Variants in TAPT1 observed in about 807,000 individuals in gnomAD.
TAPT1 encodes transmembrane anterior posterior transformation protein 1 homolog.
In TAPT1, 28 loss-of-function variants were observed where a neutral mutation model predicts 65.6. The ratio of observed to expected loss-of-function variants is 0.43; its 90% CI spans 0.32 to 0.59. The LOEUF (loss-of-function observed/expected upper bound fraction) is 0.59, where lower values mean the gene tolerates loss of function less well. Among genes scored for constraint, TAPT1 ranks in the 20% least tolerant of loss-of-function variants. The probability of loss-of-function intolerance (pLI) is 0.09; values close to 1 mark genes in which losing one functional copy is unlikely to be tolerated. For synonymous variants in TAPT1, 278 were observed against 245.2 expected, an observed-to-expected ratio of 1.13 and a Z score of -1.25; for missense variants, 563 against 679.9, an observed-to-expected ratio of 0.83 and a Z score of 1.91.
chr4:16,206,062 A>G (rs1266811030), intron 2 of TAPT1, among the ~76,000 whole-genome samples: 1 of 152,216 alleles, frequency 6.6e-6, no homozygotes, highest in Non-Finnish European at 1.5e-5. Context: ...GAAAACTATA[A>G]ATGACTGACT....
intron 3 of TAPT1, among the ~76,000 whole-genome samples, chr4:16,200,289 T>C (rs976244506): frequency 2.6e-5 from 4 of 152,206 alleles, no homozygotes; most frequent in Non-Finnish European, 5.9e-5. Flanking sequence ...ATGTAGCTCA[T>C]AATGTAGATG....
Position 16,195,504 on chromosome 4 carries a change from C to G in TAPT1, c.450-3981G>C, listed in dbSNP as rs1578450980. 5.3e-5 allele frequency among the ~76,000 whole-genome samples: 8 copies of G among 152,326 alleles called. No individual in the cohort carries two copies. The Middle Eastern group carries it at 0.027, about 518-fold the overall frequency. ...TGTCATCACACAAGTAATATTACAT[C>G]AGGTATTTAACAAAACTTAAACATT... On this transcript the variant is annotated intron_variant, in intron 3 of 13. Coordinates refer to ENST00000405303, the MANE Select transcript of TAPT1 (RefSeq NM_153365.3).
chr4:16,227,269 G>T (rs1369173529), upstream of TAPT1: 4 of 455,516 alleles, frequency 8.8e-6, no homozygotes, highest in Non-Finnish European at 1.8e-5. Context: ...TTTCGGGACT[G>T]GGGTTAGGAG....
intron 1 of TAPT1, among the ~76,000 whole-genome samples, chr4:16,222,010 A>C (rs1325873045): frequency 6.6e-6 from 1 of 152,232 alleles, no homozygotes; most frequent in Non-Finnish European, 1.5e-5. Flanking sequence ...AAAGAGTAGA[A>C]TATTTACACA....
chr4:16,177,280 A>T (rs1045712978), intron 8 of TAPT1, among the ~76,000 whole-genome samples: 69 of 152,328 alleles, frequency 4.5e-4, no homozygotes, highest in East Asian at 1.2e-3. Context: ...CAATAAAAAA[A>T]TTTTTTTAAT....
intron 3 of TAPT1, among the ~76,000 whole-genome samples, chr4:16,200,795 G>T (rs28453363): frequency 0.46 from 70,212 of 152,012 alleles, 17,464 homozygotes; most frequent in African/African-American, 0.66. Context: ...AAGCTCCCAG[G>T]AGTGATAAAA....
At chr4:16,195,447 AC>A (rs1330446336) in intron 3 of TAPT1, among the ~76,000 whole-genome samples, 1 of 152,186 alleles carries the variant, frequency 6.6e-6, no homozygotes, top group African/African-American at 2.4e-5. Flanking sequence ...AAAGTGAAAA[AC>A]CCACTAATCT....
intron 1 of TAPT1, among the ~76,000 whole-genome samples, chr4:16,224,655 G>T (rs1181966985): frequency 1.3e-5 from 2 of 152,222 alleles, no homozygotes; most frequent in Non-Finnish European, 2.9e-5. Flanking sequence ...GCATCTCCCT[G>T]ATAATGACTT....
intron 5 of TAPT1, 69 bp downstream of exon 5, chr4:16,188,151 G>A: frequency 7.5e-7 from 1 of 1,326,582 alleles, no homozygotes. Flanking sequence ...CTATAAAATG[G>A]CTAACCAAAT....
chr4:16,197,007 G>T (rs1458507523), intron 3 of TAPT1, among the ~76,000 whole-genome samples: 3 of 152,150 alleles, frequency 2.0e-5, no homozygotes, highest in Non-Finnish European at 2.9e-5. Context: ...TCTAAAAAGA[G>T]AAAAATCTAT....
intron 7 of TAPT1, among the ~76,000 whole-genome samples, chr4:16,180,866 C>T (rs1229553171): frequency 6.6e-6 from 1 of 152,124 alleles, no homozygotes; most frequent in Non-Finnish European, 1.5e-5. Context: ...GGGCACTACT[C>T]ACTTCCTATT....
chr4:16,168,521 A>G (rs12646600), intron 12 of TAPT1, among the ~76,000 whole-genome samples: 72,190 of 152,018 alleles, frequency 0.47, 18,415 homozygotes, highest in African/African-American at 0.67. Context: ...CTGTGTCCCC[A>G]TGCCCTTCTG....
chr4:16,186,024 G>A (rs73798863), intron 7 of TAPT1, among the ~76,000 whole-genome samples: 40 of 152,308 alleles, frequency 2.6e-4, no homozygotes, highest in African/African-American at 9.1e-4. Context: ...GATCCACCAC[G>A]CAATGTGGCT....
At chr4:16,206,867 G>A (rs1173200969) in intron 2 of TAPT1, among the ~76,000 whole-genome samples, 2 of 152,178 alleles carry the variant, frequency 1.3e-5, no homozygotes, top group Non-Finnish European at 2.9e-5. Context: ...AGGCCTAAAG[G>A]CTTTGCTGGC....
intron 1 of TAPT1, 69 bp downstream of exon 1, chr4:16,226,190 C>T (rs1037226309): frequency 2.8e-6 from 3 of 1,076,822 alleles, no homozygotes; most frequent in African/African-American, 1.7e-5. Flanking sequence ...GGTTCCAAGG[C>T]GCCCCCGCCG....
At chr4:16,168,322 C>T (rs1462312805) in intron 12 of TAPT1, among the ~76,000 whole-genome samples, 4 of 152,136 alleles carry the variant, frequency 2.6e-5, no homozygotes, top group African/African-American at 4.8e-5. Flanking sequence ...GTTGCCCAGG[C>T]TGGTCTCAAA....
chr4:16,210,554 T>C (rs1560184459), intron 2 of TAPT1, among the ~76,000 whole-genome samples: 1 of 152,104 alleles, frequency 6.6e-6, no homozygotes, highest in Non-Finnish European at 1.5e-5. Flanking sequence ...ACCATATAAT[T>C]AATATATAGA....
At chr4:16,166,979 T>C in intron 12 of TAPT1, 186 bp from the exon 13 acceptor site, 2 of 440,406 alleles carry the variant, frequency 4.5e-6, no homozygotes, top group Non-Finnish European at 8.1e-6. Context: ...AACTTCGGAA[T>C]TCCTTAGTTC....
chr4:16,179,547 T>C (rs913293812), intron 8 of TAPT1, 30 bp downstream of exon 8: 1 of 1,350,624 alleles, frequency 7.4e-7, no homozygotes, highest in Non-Finnish European at 1.0e-6. Context: ...AGTAAAATTA[T>C]AAGACACTGT....
Sources: gnomAD v4.1 joint callset for allele counts (sites outside exome capture counted in the v4.1 genomes callset) on GRCh38, gnomAD v4.1.1 for gene constraint, MANE v1.5 for transcripts, NCBI Gene and HGNC (gene_info 2026-07-23, HGNC 2026-07-21) for gene names.